The following OOSP3 variants were observed in gnomAD, a reference collection of about 807,000 sequenced individuals.
OOSP3 encodes the protein oocyte-secreted protein 3.
intron 2 of OOSP3, among the ~76,000 whole-genome samples, chr11:59,883,248 T>A (rs1174902560): frequency 1.3e-5 from 2 of 152,228 alleles, no homozygotes; most frequent in African/African-American, 4.8e-5. Flanking sequence ...CTCTTTATTC[T>A]ATTGTTTGGT....
intron 2 of OOSP3, among the ~76,000 whole-genome samples, chr11:59,886,402 T>C (rs892799150): frequency 1.3e-5 from 2 of 152,242 alleles, no homozygotes; most frequent in Non-Finnish European, 2.9e-5. Context: ...TTTGGGTATA[T>C]ACCCAGTAAA....
intron 2 of OOSP3, among the ~76,000 whole-genome samples, chr11:59,893,368 C>A (rs1196287202): frequency 6.6e-6 from 1 of 150,858 alleles, no homozygotes; most frequent in African/African-American, 2.4e-5. Context: ...GCTTTTTTTT[C>A]TTTTTTGACA....
intron 2 of OOSP3, among the ~76,000 whole-genome samples, 194 bp from the exon 3 acceptor site, chr11:59,893,885 G>A (rs1314750442): frequency 1.3e-5 from 2 of 152,186 alleles, no homozygotes; most frequent in African/African-American, 2.4e-5. Flanking sequence ...TGATTGCACT[G>A]ATGATCAAAA....
intron 2 of OOSP3, among the ~76,000 whole-genome samples, chr11:59,889,554 C>T (rs1853291508): frequency 6.6e-6 from 1 of 151,544 alleles, no homozygotes; most frequent in Non-Finnish European, 1.5e-5. Flanking sequence ...TCATTATTTA[C>T]CCAGAAGTCA....
intron 2 of OOSP3, among the ~76,000 whole-genome samples, chr11:59,882,696 C>T (rs1349012946): frequency 1.3e-5 from 2 of 152,136 alleles, no homozygotes; most frequent in East Asian, 1.9e-4. Context: ...GTTTTTAGTA[C>T]ATTGACAAAG....
chr11:59,884,475 G>GTCTCTCTCTCTC (rs60145654), intron 2 of OOSP3, among the ~76,000 whole-genome samples: 22 of 113,876 alleles, frequency 1.9e-4, no homozygotes, highest in Admixed American at 1.4e-3. Flanking sequence ...CTGTCTGTCT[G>GTCTCTCTCTCTC]TCTCTCTCTC....
At chr11:59,885,297 C>T (rs373430479) in intron 2 of OOSP3, among the ~76,000 whole-genome samples, 3 of 151,454 alleles carry the variant, frequency 2.0e-5, no homozygotes, top group South Asian at 4.2e-4. Flanking sequence ...GTTGGGGGGG[C>T]GCGTGGTTAG....
At chr11:59,884,429 A>G (rs1423330827) in intron 2 of OOSP3, among the ~76,000 whole-genome samples, 1 of 149,038 alleles carries the variant, frequency 6.7e-6, no homozygotes, top group African/African-American at 2.5e-5. Flanking sequence ...ATGATTTTCT[A>G]TATACAAGAT....
intron 2 of OOSP3, among the ~76,000 whole-genome samples, chr11:59,892,554 A>G (rs188557242): frequency 1.1e-4 from 16 of 152,070 alleles, no homozygotes; most frequent in African/African-American, 3.9e-4. Flanking sequence ...TGTTTGATAG[A>G]ATTGAGTAGT....
chr11:59,892,562 A>C (rs560881665), intron 2 of OOSP3, among the ~76,000 whole-genome samples: 6 of 152,170 alleles, frequency 3.9e-5, no homozygotes, highest in Admixed American at 3.3e-4. Context: ...AGAATTGAGT[A>C]GTGGAGCCTG....
At chr11:59,888,323 A>G (rs1324474232) in intron 2 of OOSP3, among the ~76,000 whole-genome samples, 1 of 152,138 alleles carries the variant, frequency 6.6e-6, no homozygotes, top group Non-Finnish European at 1.5e-5. Context: ...TCTGGCCAGA[A>G]CTTCCAGCTA....
intron 2 of OOSP3, among the ~76,000 whole-genome samples, chr11:59,888,777 G>A (rs1354513261): frequency 6.6e-6 from 1 of 152,108 alleles, no homozygotes; most frequent in Non-Finnish European, 1.5e-5. Context: ...TTGTATCTCT[G>A]TCAGGGTTTG....
intron 2 of OOSP3, among the ~76,000 whole-genome samples, chr11:59,891,173 G>A (rs1310712017): frequency 6.6e-6 from 1 of 152,136 alleles, no homozygotes; most frequent in Non-Finnish European, 1.5e-5. Context: ...AACAGCTCTT[G>A]TAATCTTTTA....
At chr11:59,888,881 C>G (rs1253204949) in intron 2 of OOSP3, among the ~76,000 whole-genome samples, 1 of 152,238 alleles carries the variant, frequency 6.6e-6, no homozygotes, top group Middle Eastern at 3.4e-3. Context: ...GGTACCAGCT[C>G]CTCTTTGTAT....
chr11:59,892,491 C>G (rs926296309), intron 2 of OOSP3, among the ~76,000 whole-genome samples: 3 of 152,090 alleles, frequency 2.0e-5, no homozygotes, highest in Non-Finnish European at 4.4e-5. Flanking sequence ...CTCTGCTCCA[C>G]TTCTATTTGT....
intron 2 of OOSP3, among the ~76,000 whole-genome samples, chr11:59,889,729 A>G (rs1011670065): frequency 6.6e-6 from 1 of 150,954 alleles, no homozygotes; most frequent in Non-Finnish European, 1.5e-5. Context: ...TGAATTTTAG[A>G]GTAAGTTATG....
At chr11:59,890,727 G>A (rs987696307) in intron 2 of OOSP3, among the ~76,000 whole-genome samples, 6 of 151,878 alleles carry the variant, frequency 4.0e-5, no homozygotes, top group African/African-American at 9.7e-5. Flanking sequence ...CCTTCATTTC[G>A]ACATTGGAAA....
chr11:59,894,713 T>C (rs1465982751), intron 3 of OOSP3, among the ~76,000 whole-genome samples: 2 of 152,204 alleles, frequency 1.3e-5, no homozygotes, highest in Non-Finnish European at 2.9e-5. Context: ...CAAGTCCTGC[T>C]TTTGGGAAAT....
At chr11:59,885,243 T>C (rs1182731110) in intron 2 of OOSP3, among the ~76,000 whole-genome samples, 1 of 152,204 alleles carries the variant, frequency 6.6e-6, no homozygotes, top group African/African-American at 2.4e-5. Context: ...GCTTAGTCCT[T>C]TTTAGATGTT....
Sources: gnomAD v4.1 joint callset for allele counts (sites outside exome capture counted in the v4.1 genomes callset) on GRCh38, gnomAD v4.1.1 for gene constraint, MANE v1.5 for transcripts, NCBI Gene and HGNC (gene_info 2026-07-23, HGNC 2026-07-21) for gene names.